PRKCB: variants seen among roughly 807,000 people sequenced by gnomAD.
The protein encoded by PRKCB is protein kinase C beta, also known as protein kinase C beta type.
Under a neutral mutation model 81.5 loss-of-function variants are expected in PRKCB, and 13 were observed. The observed-to-expected ratio is 0.16, with a 90% CI of 0.10 to 0.25. The LOEUF (loss-of-function observed/expected upper bound fraction) is 0.25. Ranked by LOEUF, PRKCB falls within the 10% of genes least tolerant of loss-of-function variation. The pLI is 1.00. For synonymous variants in PRKCB, 335 were observed against 321.4 expected (o/e 1.04, Z -0.45); for missense variants, 509 against 875.7 (o/e 0.58, Z 5.29).
chr16:23,994,054 A>G (rs919628891), intron 3 of PRKCB, among the ~76,000 whole-genome samples: 8 of 152,192 alleles, frequency 5.3e-5, no homozygotes, highest in Non-Finnish European at 1.2e-4. Context: ...ATACTGCTAA[A>G]AGTTTATCCT....
chr16:24,032,448 A>G (rs953537813), intron 4 of PRKCB, among the ~76,000 whole-genome samples: 8 of 152,138 alleles, frequency 5.3e-5, no homozygotes, highest in Admixed American at 1.3e-4. Flanking sequence ...TTTTTAGCTC[A>G]TGACTCTGCA....
intron 2 of PRKCB, among the ~76,000 whole-genome samples, chr16:23,885,270 A>T (rs543120550): frequency 9.7e-4 from 147 of 152,122 alleles, no homozygotes; most frequent in African/African-American, 3.4e-3. Flanking sequence ...CAGATGGGAG[A>T]TCCTGTGGCT....
intron 16 of PRKCB, among the ~76,000 whole-genome samples, chr16:24,196,679 A>T (rs1967884641): frequency 6.6e-6 from 1 of 152,164 alleles, no homozygotes; most frequent in Non-Finnish European, 1.5e-5. Flanking sequence ...GGGGTTTCAG[A>T]TTCTGCATTT....
chr16:23,986,171 G>A (rs1466935318), intron 2 of PRKCB, among the ~76,000 whole-genome samples: 1 of 152,214 alleles, frequency 6.6e-6, no homozygotes, highest in East Asian at 1.9e-4. Flanking sequence ...GCTGTTTGAG[G>A]TGTACTTGGA....
chr16:23,849,352 C>T (rs1445745844), intron 2 of PRKCB, among the ~76,000 whole-genome samples: 4 of 150,658 alleles, frequency 2.7e-5, no homozygotes, highest in Non-Finnish European at 4.4e-5. Context: ...GTCTGAAGGA[C>T]GGTCGCTTGT....
At chr16:23,856,883 T>C (rs1962577504) in intron 2 of PRKCB, among the ~76,000 whole-genome samples, 1 of 152,182 alleles carries the variant, frequency 6.6e-6, no homozygotes, top group Non-Finnish European at 1.5e-5. Context: ...GGTCAAAATG[T>C]AAAATGTGTC....
At chr16:23,946,951 G>A (rs1339389927) in intron 2 of PRKCB, among the ~76,000 whole-genome samples, 1 of 151,882 alleles carries the variant, frequency 6.6e-6, no homozygotes, top group Non-Finnish European at 1.5e-5. Context: ...CACCTTCTAG[G>A]CTTAAGCGAT....
chr16:24,028,374 C>T (rs1965510056), intron 3 of PRKCB, among the ~76,000 whole-genome samples: 1 of 152,242 alleles, frequency 6.6e-6, no homozygotes, highest in African/African-American at 2.4e-5. Context: ...CAGGCATGAG[C>T]CACTGCTCCA....
At chr16:24,104,441 G>T (rs1434288158) in intron 7 of PRKCB, among the ~76,000 whole-genome samples, 1 of 152,148 alleles carries the variant, frequency 6.6e-6, no homozygotes, top group Non-Finnish European at 1.5e-5. Flanking sequence ...GTGGCCTCAT[G>T]GAGTTTTCTT....
intron 3 of PRKCB, among the ~76,000 whole-genome samples, chr16:24,012,312 A>G (rs867625587): frequency 8.5e-5 from 13 of 152,336 alleles, no homozygotes; most frequent in Middle Eastern, 3.4e-3. Flanking sequence ...CACCTATTTT[A>G]TAGAGGAGGA....
intron 12 of PRKCB, among the ~76,000 whole-genome samples, chr16:24,176,979 A>G (rs1342656808): frequency 6.6e-6 from 1 of 152,094 alleles, no homozygotes; most frequent in Non-Finnish European, 1.5e-5. Context: ...GTGCTTAACC[A>G]AAGAGACAGG....
intron 15 of PRKCB, 80 bp downstream of exon 15, chr16:24,185,647 C>G: frequency 8.6e-7 from 1 of 1,164,006 alleles, no homozygotes. Context: ...AACACCCCAC[C>G]AGGGGGGAAC....
intron 10 of PRKCB, among the ~76,000 whole-genome samples, chr16:24,168,936 A>G (rs1015089220): frequency 6.6e-5 from 10 of 151,930 alleles, no homozygotes; most frequent in African/African-American, 2.4e-4. Context: ...GTGAGATACA[A>G]CTTGAGTTTG....
chr16:24,122,585 A>G (rs1035383243), intron 8 of PRKCB, among the ~76,000 whole-genome samples: 3 of 151,260 alleles, frequency 2.0e-5, no homozygotes, highest in Non-Finnish European at 4.4e-5. Flanking sequence ...TTGGCCTCCC[A>G]GGTAGCTGGG....
rs570564102 is a variant in PRKCB at position 24,085,233 on chromosome 16, A to G, written c.530-7558A>G. 2.0e-5 allele frequency among the ~76,000 whole-genome samples: 3 copies of G among 152,018 alleles called. No individual in the cohort carries two copies. In the South Asian group the frequency reaches 6.2e-4, roughly 32 times the overall value. ...GAGAGTTTAGAGGCTATGCCATATC[A>G]GGTGAAACTCCAAATGCCTGGACTG... On this transcript the variant is annotated intron_variant, in intron 5 of 16. Coordinates refer to ENST00000643927, the MANE Select transcript of PRKCB (RefSeq NM_002738.7).
intron 2 of PRKCB, among the ~76,000 whole-genome samples, chr16:23,870,857 T>C (rs1373322837): frequency 6.6e-6 from 1 of 152,218 alleles, no homozygotes; most frequent in African/African-American, 2.4e-5. Context: ...TGATCTCGGC[T>C]GGGCTTGCTC....
chr16:24,109,872 A>C (rs541501064), intron 7 of PRKCB, among the ~76,000 whole-genome samples: 1,830 of 128,574 alleles, frequency 0.014, 32 homozygotes, highest in South Asian at 0.027. Context: ...CAGGAGGCCG[A>C]GGCTGGTGGA....
intron 2 of PRKCB, among the ~76,000 whole-genome samples, chr16:23,859,687 A>G (rs1962629566): frequency 2.0e-5 from 3 of 152,120 alleles, no homozygotes; most frequent in Admixed American, 2.0e-4. Flanking sequence ...GGGGAGAAGC[A>G]AGAGAGAGAA....
At chr16:24,172,193 C>A in intron 10 of PRKCB, 77 bp from the exon 11 acceptor site, 1 of 1,038,064 alleles carries the variant, frequency 9.6e-7, no homozygotes, top group South Asian at 1.3e-5. Context: ...TCATAAATTC[C>A]AGCTCTTCCC....
Sources: gnomAD v4.1 joint callset for allele counts (sites outside exome capture counted in the v4.1 genomes callset) on GRCh38, gnomAD v4.1.1 for gene constraint, MANE v1.5 for transcripts, NCBI Gene and HGNC (gene_info 2026-07-23, HGNC 2026-07-21) for gene names.